Variants in PPP1R14C observed in about 807,000 individuals in gnomAD.
The protein encoded by PPP1R14C is protein phosphatase 1 regulatory inhibitor subunit 14C.
Under a neutral mutation model 20.4 loss-of-function variants are expected in PPP1R14C, and 16 were observed. The ratio of observed to expected loss-of-function variants is 0.78; its 90% CI spans 0.53 to 1.19. The LOEUF (loss-of-function observed/expected upper bound fraction) is 1.19, where lower values mean the gene tolerates loss of function less well. PPP1R14C is among the 50% of genes most tolerant of loss of function. PPP1R14C has a pLI of 0.00. For missense variants in PPP1R14C, 211 were observed against 220.1 expected, an observed-to-expected ratio of 0.96 and a Z score of 0.26; for synonymous variants, 91 against 91.0, an observed-to-expected ratio of 1.00 and a Z score of 0.00.
rs186718394 is a variant in PPP1R14C, at chr6:150,166,311, A to G, written c.306+22813A>G. On this transcript the variant is annotated intron_variant, in intron 1 of 3. Coordinates refer to ENST00000361131, the MANE Select transcript of PPP1R14C (RefSeq NM_030949.3). ...TAGCCAGGATGGTCTCGATCTCCTG[A>G]CCTCATGATCTACCCGCCTCGGCCT... Among the ~76,000 whole-genome samples the G allele has an allele frequency of 3.5e-3, 539 of 152,012 alleles. 3 individuals carry two copies. The highest frequency in any genetic ancestry group is 0.012 in the African/African-American group (497 of 41,456).
At chr6:150,164,071 T>C (rs934849824) in intron 1 of PPP1R14C, among the ~76,000 whole-genome samples, 3 of 152,222 alleles carry the variant, frequency 2.0e-5, no homozygotes, top group Non-Finnish European at 4.4e-5. Flanking sequence ...TAGCCGTCTG[T>C]TATGTAATAT....
At chr6:150,173,314 A>C (rs1396025022) in intron 1 of PPP1R14C, among the ~76,000 whole-genome samples, 5 of 151,294 alleles carry the variant, frequency 3.3e-5, no homozygotes, top group African/African-American at 9.7e-5. Flanking sequence ...GGCACCACCT[A>C]ATCTGGTCTC....
chr6:150,247,683 T>C (rs796879099), intron 3 of PPP1R14C, among the ~76,000 whole-genome samples: 1 of 152,206 alleles, frequency 6.6e-6, no homozygotes, highest in African/African-American at 2.4e-5. Flanking sequence ...GTGGTTTTTT[T>C]ATCTATAGTT....
chr6:150,195,515 T>G (rs1339757929), intron 1 of PPP1R14C, among the ~76,000 whole-genome samples: 1 of 152,158 alleles, frequency 6.6e-6, no homozygotes, highest in Non-Finnish European at 1.5e-5. Context: ...GCCTGGCTAA[T>G]TTTTGTATGT....
chr6:150,208,830 C>G (rs1379785978), intron 1 of PPP1R14C, among the ~76,000 whole-genome samples: 1 of 152,186 alleles, frequency 6.6e-6, no homozygotes, highest in Non-Finnish European at 1.5e-5. Context: ...AGCAGCCCGG[C>G]ACAGCGTGGT....
chr6:150,223,141 C>G (rs1488747576), intron 3 of PPP1R14C, among the ~76,000 whole-genome samples: 3 of 152,170 alleles, frequency 2.0e-5, no homozygotes, highest in African/African-American at 7.2e-5. Flanking sequence ...TAGTAATATG[C>G]ATTTAAGTTT....
intron 1 of PPP1R14C, among the ~76,000 whole-genome samples, chr6:150,199,028 T>A (rs944110054): frequency 1.3e-5 from 2 of 151,844 alleles, no homozygotes; most frequent in Non-Finnish European, 2.9e-5. Flanking sequence ...TCACCATCTA[T>A]AATGGAATGG....
intron 1 of PPP1R14C, among the ~76,000 whole-genome samples, chr6:150,197,565 C>T (rs550065903): frequency 2.4e-4 from 36 of 152,228 alleles, no homozygotes; most frequent in Non-Finnish European, 4.7e-4. Flanking sequence ...TCCAGGCTGC[C>T]GTGGGAAGGC....
chr6:150,213,844 AC>A (rs777521495), intron 1 of PPP1R14C, among the ~76,000 whole-genome samples: 7 of 152,078 alleles, frequency 4.6e-5, no homozygotes, highest in Non-Finnish European at 1.0e-4. Context: ...ATTAAACTAG[AC>A]CCACATTGGC....
intron 3 of PPP1R14C, among the ~76,000 whole-genome samples, chr6:150,230,168 C>T (rs1249463926): frequency 6.6e-6 from 1 of 152,226 alleles, no homozygotes; most frequent in African/African-American, 2.4e-5. Flanking sequence ...CCAAGAGGCA[C>T]ACACCACCTG....
intron 1 of PPP1R14C, chr6:150,194,394 CTGTT>C: frequency 1.1e-6 from 1 of 951,910 alleles, no homozygotes; most frequent in Non-Finnish European, 1.3e-6. Flanking sequence ...TTGGCAACCC[CTGTT>C]TGTTTTGTCT....
At chr6:150,188,631 C>T (rs1011560696) in intron 1 of PPP1R14C, among the ~76,000 whole-genome samples, 9 of 146,486 alleles carry the variant, frequency 6.1e-5, no homozygotes, top group South Asian at 2.2e-4. Flanking sequence ...GGACTACAGG[C>T]GCCCACCACC....
chr6:150,192,720 G>C (rs1385363188), intron 1 of PPP1R14C, among the ~76,000 whole-genome samples: 4 of 152,180 alleles, frequency 2.6e-5, no homozygotes, highest in East Asian at 1.9e-4. Context: ...CAGCTGGATG[G>C]TTCCCTCTTG....
chr6:150,234,880 A>G (rs1295111618), intron 3 of PPP1R14C, among the ~76,000 whole-genome samples: 1 of 149,648 alleles, frequency 6.7e-6, no homozygotes, highest in African/African-American at 2.5e-5. Flanking sequence ...AAAAAAAGGA[A>G]TCAAACTGCG....
At chr6:150,214,217 C>G (rs1487953585) in intron 1 of PPP1R14C, among the ~76,000 whole-genome samples, 1 of 152,054 alleles carries the variant, frequency 6.6e-6, no homozygotes, top group Admixed American at 6.5e-5. Context: ...TTCCATAGAC[C>G]CAGAGCTGTG....
intron 3 of PPP1R14C, among the ~76,000 whole-genome samples, chr6:150,221,106 T>G (rs1461460957): frequency 1.3e-5 from 2 of 152,238 alleles, no homozygotes; most frequent in South Asian, 2.1e-4. Context: ...TGGACACTTT[T>G]GCCTTTGAGC....
chr6:150,200,374 C>A (rs568218606), intron 1 of PPP1R14C, among the ~76,000 whole-genome samples: 1 of 152,092 alleles, frequency 6.6e-6, no homozygotes, highest in Non-Finnish European at 1.5e-5. Flanking sequence ...CCGAATTACT[C>A]GCCTCTCTGG....
chr6:150,230,805 A>G (rs1778285456), intron 3 of PPP1R14C, among the ~76,000 whole-genome samples: 1 of 152,238 alleles, frequency 6.6e-6, no homozygotes, highest in African/African-American at 2.4e-5. Flanking sequence ...GGACATAAGT[A>G]TAGGTAATGC....
chr6:150,152,098 C>T (rs1031530774), intron 1 of PPP1R14C, among the ~76,000 whole-genome samples: 38 of 134,228 alleles, frequency 2.8e-4, no homozygotes, highest in African/African-American at 5.6e-4. Flanking sequence ...CCAGCCTGGG[C>T]GACAGAGCGA....
Sources: allele counts gnomAD v4.1 joint callset (sites outside exome capture counted in the v4.1 genomes callset), GRCh38; gene constraint gnomAD v4.1.1; transcripts MANE v1.5; gene names NCBI Gene and HGNC (gene_info 2026-07-23, HGNC 2026-07-21).